Variants in TENM2 observed in about 807,000 individuals in gnomAD.
TENM2 encodes teneurin-2.
A neutral mutation model predicts 245.2 loss-of-function variants in TENM2; 52 were observed. The observed-to-expected ratio is 0.21, with a 90% CI of 0.17 to 0.27. The LOEUF is 0.27. TENM2 is among the 10% of genes least tolerant of loss of function. TENM2 has a pLI of 1.00. For missense variants in TENM2, 3,046 were observed against 3,666.8 expected (o/e 0.83, Z 4.37); for synonymous variants, 1,363 against 1,438.9 (o/e 0.95, Z 1.19).
intron 2 of TENM2, among the ~76,000 whole-genome samples, chr5:167,559,476 C>T (rs1773456564): frequency 1.3e-5 from 2 of 152,176 alleles, no homozygotes; most frequent in South Asian, 4.1e-4. Flanking sequence ...ATGTTTATTA[C>T]AGGACTTGGT....
chr5:168,241,983 T>C (rs537165162), intron 25 of TENM2, among the ~76,000 whole-genome samples: 1 of 152,294 alleles, frequency 6.6e-6, no homozygotes, highest in East Asian at 1.9e-4. Context: ...AGATCTAGAC[T>C]CTTTTTCTCT....
At chr5:167,126,411 T>A in the TENM2 span, among the ~76,000 whole-genome samples, 1 of 152,186 alleles carries the variant, frequency 6.6e-6, no homozygotes, top group Non-Finnish European at 1.5e-5. Context: ...TATTTTCATA[T>A]ATTTCCTTCA....
At chr5:168,051,812 T>TG (rs1383813169) in intron 6 of TENM2, among the ~76,000 whole-genome samples, 1 of 152,210 alleles carries the variant, frequency 6.6e-6, no homozygotes, top group Non-Finnish European at 1.5e-5. Context: ...ATAAATGAGA[T>TG]GACCCTTGTA....
intron 5 of TENM2, among the ~76,000 whole-genome samples, chr5:168,013,210 G>GT (rs1785386485): frequency 6.6e-6 from 1 of 152,146 alleles, no homozygotes. Flanking sequence ...TCTAGGAAAG[G>GT]TTTTCTAGAC....
At chr5:167,914,629 C>G (rs1162567260) in intron 3 of TENM2, among the ~76,000 whole-genome samples, 1 of 152,188 alleles carries the variant, frequency 6.6e-6, no homozygotes, top group Non-Finnish European at 1.5e-5. Flanking sequence ...TGGGTGGCTT[C>G]AAACAACAGA....
chr5:168,047,643 G>A, intron 6 of TENM2, 94 bp downstream of exon 8: 1 of 1,429,458 alleles, frequency 7.0e-7, no homozygotes, highest in East Asian at 2.5e-5. Context: ...AATCTTGGAA[G>A]GTATGCCAAA....
At chr5:167,767,972 C>A (rs866514107) in intron 2 of TENM2, among the ~76,000 whole-genome samples, 3 of 152,312 alleles carry the variant, frequency 2.0e-5, no homozygotes, top group South Asian at 2.1e-4. Flanking sequence ...TTTGCCTGAA[C>A]TGTCATACAG....
intron 1 of TENM2, among the ~76,000 whole-genome samples, chr5:167,334,886 G>A (rs921664473): frequency 2.0e-5 from 3 of 152,132 alleles, no homozygotes; most frequent in African/African-American, 7.2e-5. Flanking sequence ...AATCTAACAG[G>A]AGAAGAAGTT....
chr5:168,119,006 G>C lies in TENM2; in HGVS notation c.2008+520G>C, dbSNP rs148627196. Among the ~76,000 whole-genome samples the C allele has an allele frequency of 2.1e-3, 314 of 152,188 alleles. 2 individuals carry two copies. Among genetic ancestry groups the C allele is most frequent in the Middle Eastern group, 3.4e-3 (1 of 294 alleles). Reference sequence around the variant, plus strand: ...TTGTTGTTGTTACTAACTCTTCCTGGTAATCTAAGGCCCGTGTATGTCTGT... The same window carrying C: ...TTGTTGTTGTTACTAACTCTTCCTGCTAATCTAAGGCCCGTGTATGTCTGT... On this transcript the variant is annotated intron_variant, in intron 10 of 28. Coordinates refer to ENST00000518659, the Ensembl canonical transcript of TENM2.
intron 1 of TENM2, among the ~76,000 whole-genome samples, chr5:167,345,281 C>G (rs569661048): frequency 6.6e-5 from 10 of 152,318 alleles, no homozygotes; most frequent in African/African-American, 2.4e-4. Flanking sequence ...TACAGGTCCT[C>G]TCTCCATTCG....
At chr5:167,389,371 GTCTA>G (rs1345326867) in intron 2 of TENM2, among the ~76,000 whole-genome samples, 10 of 151,798 alleles carry the variant, frequency 6.6e-5, no homozygotes, top group African/African-American at 2.4e-4. Context: ...CAGTCTGTGT[GTCTA>G]TCTGAGAGAA....
At chr5:167,545,142 G>A (rs190149138) in intron 2 of TENM2, among the ~76,000 whole-genome samples, 1 of 152,274 alleles carries the variant, frequency 6.6e-6, no homozygotes, top group Admixed American at 6.5e-5. Flanking sequence ...TTGAACTGAG[G>A]ATTGGTGGTT....
intron 2 of TENM2, among the ~76,000 whole-genome samples, chr5:167,667,729 A>G (rs936032127): frequency 6.6e-6 from 1 of 152,204 alleles, no homozygotes; most frequent in African/African-American, 2.4e-5. Flanking sequence ...TTAGGCAGCC[A>G]TGTATGTCGC....
chr5:167,065,633 G>A, the TENM2 span, among the ~76,000 whole-genome samples: 1 of 152,176 alleles, frequency 6.6e-6, no homozygotes, highest in Non-Finnish European at 1.5e-5. Flanking sequence ...GGCTAATACC[G>A]TGTTGATAAA....
the TENM2 span, among the ~76,000 whole-genome samples, chr5:166,981,060 A>C: frequency 6.6e-6 from 1 of 152,216 alleles, no homozygotes; most frequent in Middle Eastern, 3.2e-3. Flanking sequence ...ACAAACTGTA[A>C]ATTAACTCAA....
At chr5:167,363,482 A>T (rs1759834422) in intron 1 of TENM2, among the ~76,000 whole-genome samples, 1 of 152,214 alleles carries the variant, frequency 6.6e-6, no homozygotes. Context: ...CTGTAATTCC[A>T]GCACTTTGGG....
chr5:168,030,228 C>T (rs528955720), intron 5 of TENM2, among the ~76,000 whole-genome samples: 9 of 122,942 alleles, frequency 7.3e-5, no homozygotes, highest in East Asian at 3.1e-4. Flanking sequence ...TTCCATATTG[C>T]GTCCTCCCAG....
At chr5:167,036,940 G>C in the TENM2 span, among the ~76,000 whole-genome samples, 2 of 151,934 alleles carry the variant, frequency 1.3e-5, no homozygotes, top group African/African-American at 4.8e-5. Flanking sequence ...TCATTAACTT[G>C]TTATTTCTCT....
At chr5:167,551,699 T>C (rs775608334) in intron 2 of TENM2, among the ~76,000 whole-genome samples, 25 of 152,246 alleles carry the variant, frequency 1.6e-4, no homozygotes, top group Non-Finnish European at 3.4e-4. Flanking sequence ...TTCATTTGTT[T>C]ATTTTTGCCA....
Sources: gnomAD v4.1 joint callset for allele counts (sites outside exome capture counted in the v4.1 genomes callset) on GRCh38, gnomAD v4.1.1 for gene constraint, MANE v1.5 for transcripts, NCBI Gene and HGNC (gene_info 2026-07-23, HGNC 2026-07-21) for gene names.